Variants in RAP1GAP2 observed in about 807,000 individuals in gnomAD.
RAP1GAP2 encodes RAP1 GTPase activating protein 2.
In RAP1GAP2, 27 loss-of-function variants were observed where a neutral mutation model predicts 95.0. The ratio of observed to expected loss-of-function variants is 0.28; its 90% CI spans 0.21 to 0.39. RAP1GAP2 has a LOEUF of 0.39. Ranked by LOEUF, RAP1GAP2 falls within the 10% of genes least tolerant of loss-of-function variation. The pLI is 1.00. For synonymous variants in RAP1GAP2, 373 were observed against 380.9 expected (o/e 0.98, Z 0.24); for missense variants, 771 against 970.0 (o/e 0.79, Z 2.72).
At chr17:3,030,612 C>T (rs896028103) in intron 22 of RAP1GAP2, among the ~76,000 whole-genome samples, 1 of 152,106 alleles carries the variant, frequency 6.6e-6, no homozygotes, top group Non-Finnish European at 1.5e-5. Flanking sequence ...CACAGATAAT[C>T]GTAAAACAGA....
chr17:2,774,155 C>T (rs577005872), upstream of RAP1GAP2, among the ~76,000 whole-genome samples: 7 of 152,242 alleles, frequency 4.6e-5, no homozygotes, highest in Admixed American at 2.0e-4. Context: ...TCAGAATTGT[C>T]TGAAGGGTTC....
intron 2 of RAP1GAP2, among the ~76,000 whole-genome samples, chr17:2,844,327 G>A (rs1370063647): frequency 6.6e-6 from 1 of 152,088 alleles, no homozygotes. Flanking sequence ...GCCGGCCAGC[G>A]CGGTTTCTGA....
intron 1 of RAP1GAP2, among the ~76,000 whole-genome samples, chr17:2,784,129 C>T (rs1597299840): frequency 6.6e-6 from 1 of 151,964 alleles, no homozygotes; most frequent in Non-Finnish European, 1.5e-5. Flanking sequence ...CATGCCACCA[C>T]GCCAGGCTAA....
intron 1 of RAP1GAP2, among the ~76,000 whole-genome samples, chr17:2,766,996 A>G (rs1355102055): frequency 1.3e-5 from 2 of 149,928 alleles, no homozygotes; most frequent in Non-Finnish European, 3.0e-5. Flanking sequence ...TTTTTTTTTC[A>G]TAGCACTTTA....
chr17:2,938,317 C>A (rs1353354211), intron 3 of RAP1GAP2, among the ~76,000 whole-genome samples: 1 of 152,166 alleles, frequency 6.6e-6, no homozygotes, highest in African/African-American at 2.4e-5. Flanking sequence ...AGCTGTTTCT[C>A]CCACACCACA....
At chr17:2,957,883 C>T (rs553161297) in intron 4 of RAP1GAP2, 89 bp downstream of exon 4, 81 of 1,339,032 alleles carry the variant, frequency 6.0e-5, no homozygotes, top group East Asian at 2.4e-4. Flanking sequence ...GGGCAGAAGC[C>T]GGGTGCCCTG....
rs1036189020 is a variant in RAP1GAP2, at chr17:2,797,331, G to C, written c.44+760G>C. On this transcript the variant is annotated intron_variant, in intron 1 of 24. Coordinates refer to ENST00000254695, the MANE Select transcript of RAP1GAP2 (RefSeq NM_015085.5). This position sits in a 1 kb window ranked among gnomAD's most constrained non-coding sequence, Gnocchi z 5.6. ...GGGATGTGCTTTTTCTTCCCGGCGG[G>C]GGGCAGAAGGTAGGCACACGAAGGC... 6.6e-5 allele frequency among the ~76,000 whole-genome samples: 10 copies of C among 152,338 alleles called. No individual in the cohort carries two copies. The highest frequency in any genetic ancestry group is 2.1e-4 in the South Asian group (1 of 4,828).
chr17:2,871,482 C>T lies in RAP1GAP2; in HGVS notation c.81-33802C>T, dbSNP rs150309612. ...GTTGTGTTACAAGAGTCCTGTCCAG[C>T]GGGAGAGGGGCAGTTCCCTAAAGCA... On this transcript the variant is annotated intron_variant, in intron 2 of 24. Coordinates refer to ENST00000254695, the MANE Select transcript of RAP1GAP2 (RefSeq NM_015085.5). The surrounding 1 kb of genome is among the most constrained non-coding windows in gnomAD (Gnocchi z 5.0). 1.6e-3 allele frequency among the ~76,000 whole-genome samples: 238 copies of T among 152,182 alleles called. 1 individual carries two copies. Among genetic ancestry groups the T allele is most frequent in the African/African-American group, 5.0e-3 (208 of 41,522 alleles).
At position 3,005,956 on chromosome 17, in the gene RAP1GAP2, G is replaced by A. The variant is rs1374938975; in HGVS notation, c.1274G>A (p.Gly425Asp). 3 of 1,613,704 alleles carry A rather than the reference G, an allele frequency of 1.9e-6. No homozygotes were observed. In the Admixed American group the frequency reaches 5.0e-5, roughly 27 times the overall value. ...TGAGGTCCGTCTTGTCTCTTCCAGG[G>A]CCCGGAATTCAGGGAGTTTCTGCTC... ...PLPSPPVFQK[G>D]PEFREFLLTK... Residue 425 changes from glycine (G) to aspartate (D), a missense_variant and splice_region_variant, in exon 16 of 25, where the codon GGC (glycine) becomes GAC (aspartate). Physicochemically the swap from Gly to Asp is moderately conservative, Grantham distance 94. Coordinates refer to ENST00000254695, the MANE Select transcript of RAP1GAP2 (RefSeq NM_015085.5). This position sits in a 1 kb window ranked among gnomAD's most constrained non-coding sequence, Gnocchi z 5.2.
Position 2,797,550 on chromosome 17 carries a change from G to A in RAP1GAP2, c.44+979G>A, listed in dbSNP as rs969157162. 3.5e-6 allele frequency: 1 copy of A among 283,050 alleles called. No individual in the cohort carries two copies. The allele number at this position is 283,050 out of a possible 1,614,324, so 17.5% of individuals were successfully genotyped here. A position where few individuals can be genotyped will look rare whatever the true frequency, so the allele number is the denominator to read the frequency against. On this transcript the variant is annotated intron_variant, in intron 1 of 24. Transcript: ENST00000254695. This position sits in a 1 kb window ranked among gnomAD's most constrained non-coding sequence, Gnocchi z 5.6. ...TGGACTAATGGGGGTGGCACGAAGGGCGAGGGGGAGAGGGGCTGTGTTCCT... is the reference window on the plus strand; with the variant it reads ...TGGACTAATGGGGGTGGCACGAAGGACGAGGGGGAGAGGGGCTGTGTTCCT...
upstream of RAP1GAP2, among the ~76,000 whole-genome samples, chr17:2,792,851 C>T (rs1164051071): frequency 1.3e-5 from 2 of 152,234 alleles, no homozygotes; most frequent in African/African-American, 2.4e-5. Flanking sequence ...GTGCCTGGGC[C>T]GGAGTCTGTC....
At chr17:2,909,633 A>G (rs914794928) in intron 3 of RAP1GAP2, among the ~76,000 whole-genome samples, 2 of 152,206 alleles carry the variant, frequency 1.3e-5, no homozygotes, top group Non-Finnish European at 2.9e-5. Flanking sequence ...GGCCTCAGGC[A>G]GGCCCGGAGC....
intron 2 of RAP1GAP2, among the ~76,000 whole-genome samples, chr17:2,847,018 T>C (rs1194262425): frequency 2.0e-5 from 3 of 152,208 alleles, no homozygotes; most frequent in Non-Finnish European, 4.4e-5. Context: ...TTTTTATCTG[T>C]TTATTTTTGA....
chr17:2,854,234 T>C (rs6502573), intron 2 of RAP1GAP2: 502,074 of 823,266 alleles, frequency 0.61, 154,114 homozygotes, highest in African/African-American at 0.71. Context: ...GGTACCGTCG[T>C]GCGAACCGAG....
chr17:2,892,613 A>C (rs1324632014), intron 2 of RAP1GAP2, among the ~76,000 whole-genome samples: 1 of 152,168 alleles, frequency 6.6e-6, no homozygotes. Context: ...ATCTCTCTCC[A>C]TGTAGCCTCT....
chr17:2,825,751 CGT>C lies in RAP1GAP2; in HGVS notation c.80+25202_80+25203del. Reference sequence around the variant, plus strand: ...ACTGCAGCTGTTACTGAAGACAGAGCGTTTAGGTGTGAAGAGGGTCTGGTGCC... The same window carrying C: ...ACTGCAGCTGTTACTGAAGACAGAGCTTAGGTGTGAAGAGGGTCTGGTGCC... On this transcript the variant is annotated intron_variant, in intron 2 of 24. Transcript: ENST00000254695. This position sits in a 1 kb window ranked among gnomAD's most constrained non-coding sequence, Gnocchi z 4.1. Among the ~76,000 whole-genome samples the C allele has an allele frequency of 6.6e-6, 1 of 152,182 alleles. No homozygotes were observed. Among genetic ancestry groups the C allele is most frequent in the East Asian group, 1.9e-4 (1 of 5,176 alleles).
intron 1 of RAP1GAP2, among the ~76,000 whole-genome samples, chr17:2,765,862 G>A (rs1035951057): frequency 5.9e-5 from 9 of 152,108 alleles, no homozygotes; most frequent in Non-Finnish European, 1.2e-4. Context: ...CCAGCTACTC[G>A]GGAGGCTGAG....
rs1399544411 is a variant in RAP1GAP2 at position 2,962,210 on chromosome 17, A to G, written c.202-460A>G. On this transcript the variant is annotated intron_variant, in intron 4 of 24. Coordinates refer to ENST00000254695, the MANE Select transcript of RAP1GAP2 (RefSeq NM_015085.5). The stretch of plus-strand genomic sequence containing the variant: ...AGCCACTGTGTCCGACAAGACAGCT[A>G]TTTAAGCTTTGAATGATAATACCGC... 2.9e-5 allele frequency: 5 copies of G among 174,326 alleles called. No individual in the cohort carries two copies. The Admixed American group carries it at 3.3e-4, about 11-fold the overall frequency. The allele number at this position is 174,326 out of a possible 1,614,324, so 10.8% of individuals were successfully genotyped here.
At chr17:2,968,639 T>C (rs911913144) in intron 8 of RAP1GAP2, among the ~76,000 whole-genome samples, 1 of 152,080 alleles carries the variant, frequency 6.6e-6, no homozygotes, top group Admixed American at 6.5e-5. Context: ...ACTTTGTCTG[T>C]AGAAAAAGAA....
Sources: gnomAD v4.1 joint callset for allele counts (sites outside exome capture counted in the v4.1 genomes callset) on GRCh38, gnomAD v4.1.1 for gene constraint, Gnocchi (gnomAD v3.1) non-coding constraint, MANE v1.5 for transcripts, NCBI Gene and HGNC (gene_info 2026-07-23, HGNC 2026-07-21) for gene names.